The following POLA2 variants were observed in gnomAD, a reference collection of about 807,000 sequenced individuals.
POLA2 encodes DNA polymerase alpha subunit B.
POLA2 carries 47 observed loss-of-function variants against 82.8 expected under a neutral mutation model. That is an observed-to-expected ratio of 0.57 (90% confidence interval 0.45 to 0.72). The LOEUF (loss-of-function observed/expected upper bound fraction) is 0.72. Ranked by LOEUF, POLA2 falls within the 30% of genes least tolerant of loss-of-function variation. The pLI is 0.00. For missense variants in POLA2, 634 were observed against 728.1 expected, an observed-to-expected ratio of 0.87 and a Z score of 1.49; for synonymous variants, 287 against 286.8, an observed-to-expected ratio of 1.00 and a Z score of -0.01.
At chr11:65,302,091 A>G (rs138327023), downstream of POLA2, among the ~76,000 whole-genome samples, 28 of 152,244 alleles carry the variant, frequency 1.8e-4, no homozygotes, top group East Asian at 5.2e-3. Flanking sequence ...TCTCAGGGAC[A>G]GCTGCTGCCC....
At chr11:65,283,042 G>C (rs933717026) in intron 10 of POLA2, among the ~76,000 whole-genome samples, 2 of 152,116 alleles carry the variant, frequency 1.3e-5, no homozygotes, top group South Asian at 2.1e-4. Flanking sequence ...GAGACAGGAG[G>C]ATTGCCTAAG....
chr11:65,297,819 T>G lies in POLA2; in HGVS notation c.*550T>G, dbSNP rs1018292115. On this transcript the variant is annotated 3_prime_UTR_variant, in exon 18 of 18. Transcript: ENST00000265465. The stretch of plus-strand genomic sequence containing the variant: ...GCACCCACCACCACGCCTGGCTAAT[T>G]TTTTGTATTTTTAGTGGAGATGGGG... 2.0e-5 allele frequency: 3 copies of G among 152,180 alleles called. No individual in the cohort carries two copies. Among genetic ancestry groups the G allele is most frequent in the Admixed American group, 6.6e-5 (1 of 15,260 alleles). 9.4% of individuals were successfully genotyped at this position (152,180 alleles called of 1,614,324 possible). A position where few individuals can be genotyped will look rare whatever the true frequency, so the allele number is the denominator to read the frequency against.
At chr11:65,305,455 G>A (rs1216509191) in exon 9 of POLA2, 1 of 452,342 alleles carries the variant, frequency 2.2e-6, no homozygotes, top group East Asian at 7.0e-5. Flanking sequence ...CCTGTTGACT[G>A]TGTGGGGGCC....
At chr11:65,291,772 G>A (rs926690806) in intron 13 of POLA2, among the ~76,000 whole-genome samples, 2 of 152,210 alleles carry the variant, frequency 1.3e-5, no homozygotes, top group African/African-American at 4.8e-5. Context: ...TCACACTGGG[G>A]ATGAGAGCCC....
At chr11:65,277,897 G>C (rs888319563) in intron 5 of POLA2, among the ~76,000 whole-genome samples, 7 of 152,224 alleles carry the variant, frequency 4.6e-5, no homozygotes, top group Non-Finnish European at 1.0e-4. Context: ...ACTGGAGATT[G>C]AGATAATTAA....
At chr11:65,274,319 A>C (rs1026462130) in intron 4 of POLA2, among the ~76,000 whole-genome samples, 1 of 151,592 alleles carries the variant, frequency 6.6e-6, no homozygotes, top group African/African-American at 2.4e-5. Context: ...GTGAGCCGAG[A>C]TCGCACATCG....
At chr11:65,280,736 C>G in intron 7 of POLA2, 1 of 469,318 alleles carries the variant, frequency 2.1e-6, no homozygotes, top group South Asian at 2.4e-5. Flanking sequence ...TTCCCCTACA[C>G]TAGAGATGCT....
intron 16 of POLA2, 105 bp from the exon 17 acceptor site, chr11:65,295,759 G>C (rs373818757): frequency 5.6e-6 from 8 of 1,431,786 alleles, no homozygotes; most frequent in African/African-American, 4.2e-5. Flanking sequence ...AGAAAAAGTC[G>C]GTCTGTGGAT....
chr11:65,290,581 C>A (rs1949744547), intron 13 of POLA2, among the ~76,000 whole-genome samples: 1 of 152,168 alleles, frequency 6.6e-6, no homozygotes, highest in African/African-American at 2.4e-5. Flanking sequence ...TCCTTTTGAA[C>A]TACCGAGATC....
chr11:65,279,417 A>G, intron 6 of POLA2, 121 bp from the exon 7 acceptor site: 1 of 681,778 alleles, frequency 1.5e-6, no homozygotes. Context: ...CCAGATGTCC[A>G]GGCACCCTTC....
chr11:65,268,624 G>T, intron 3 of POLA2, 48 bp from the exon 4 acceptor site: 1 of 1,239,560 alleles, frequency 8.1e-7, no homozygotes, highest in South Asian at 1.2e-5. Flanking sequence ...TTACAGGCAT[G>T]AGCTACCGTG....
intron 11 of POLA2, 67 bp from the exon 12 acceptor site, chr11:65,288,983 T>A: frequency 7.0e-7 from 1 of 1,437,942 alleles, no homozygotes; most frequent in African/African-American, 1.4e-5. Context: ...AGGAGGTATC[T>A]GAAGTCATTC....
In POLA2 at chr11:65,281,200, T is replaced by A. The variant is rs1016063495; in HGVS notation, c.900+53T>A. 3 of 1,577,530 alleles carry A rather than the reference T, an allele frequency of 1.9e-6. No individual in the cohort carries two copies. The African/African-American group carries it at 4.0e-5, about 21-fold the overall frequency. ...GCAGGCGCACTCTTTACCCCTGTAG[T>A]GTAGGTGCTGTGCCATGCGCAGCTG... On this transcript the variant is annotated intron_variant, in intron 8 of 17. Transcript: ENST00000265465.
At chr11:65,300,512 A>T (rs946627497), downstream of POLA2, among the ~76,000 whole-genome samples, 1 of 152,096 alleles carries the variant, frequency 6.6e-6, no homozygotes, top group African/African-American at 2.4e-5. Flanking sequence ...TCGGCCTCCC[A>T]AAGTGTTGGG....
In POLA2 at chr11:65,295,564, C is replaced by G; in HGVS notation, c.1485C>G (p.Phe495Leu). ...GTTCTTCCGGAACTTCAGACAGATT[C>G]AGCCGAATACTCAAGCACATCTTGA... Reference protein sequence around the residue: ...ISSSSGTSDRFSRILKHILTQ... With the variant: ...ISSSSGTSDRLSRILKHILTQ... Residue 495 changes from phenylalanine (F) to leucine (L), a missense_variant, in exon 16 of 18, where the codon TTC becomes TTG. Physicochemically the swap from Phe to Leu is conservative, Grantham distance 22. Transcript: ENST00000265465. 1 of 1,613,984 alleles carries G rather than the reference C, an allele frequency of 6.2e-7. No homozygotes were observed. The highest frequency in any genetic ancestry group is 8.5e-7 in the Non-Finnish European group (1 of 1,179,916).
chr11:65,289,517 A>G (rs1163158322), intron 12 of POLA2, among the ~76,000 whole-genome samples: 1 of 152,226 alleles, frequency 6.6e-6, no homozygotes, highest in Non-Finnish European at 1.5e-5. Context: ...GGGACCTCCA[A>G]TCCTTCGTCT....
chr11:65,281,033 C>A lies in POLA2; in HGVS notation c.786C>A (p.Asn262Lys). 1 of 1,614,000 alleles carries A rather than the reference C, an allele frequency of 6.2e-7. No individual in the cohort carries two copies. Among genetic ancestry groups the A allele is most frequent in the Non-Finnish European group, 8.5e-7 (1 of 1,179,996 alleles). ...TGGGCCAGATTGGCTGTGATAGCAA[C>A]GGGAAGCTGAACAACAAGTCAGTGA... ...TLLGQIGCDS[N>K]GKLNNKSVIL... The change falls in exon 8 of 18, where the codon AAC becomes AAA. Residue 262 changes from asparagine to lysine, a missense_variant. Physicochemically the swap from Asn to Lys is moderately conservative, Grantham distance 94 (BLOSUM62 0). Transcript: ENST00000265465.
In POLA2 at chr11:65,295,547, G is replaced by A. The variant is rs759222059; in HGVS notation, c.1468G>A (p.Gly490Arg). The A allele has an allele frequency of 1.7e-5, 28 of 1,613,626 alleles. No homozygotes were observed. The highest frequency in any genetic ancestry group is 4.4e-5 in the South Asian group (4 of 91,088). The change falls in exon 16 of 18, where the codon GGA (glycine) becomes AGA (arginine). Residue 490 changes from glycine (G) to arginine (R), a missense_variant. Coordinates refer to ENST00000265465, the MANE Select transcript of POLA2 (RefSeq NM_002689.4). Reference sequence around the variant, plus strand: ...CTTTCTTTTCTTTCCCAGTTCTTCCGGAACTTCAGACAGATTCAGCCGAAT... The same window carrying A: ...CTTTCTTTTCTTTCCCAGTTCTTCCAGAACTTCAGACAGATTCAGCCGAAT... ...LGAEEISSSS[G>R]TSDRFSRILK...
intron 5 of POLA2, among the ~76,000 whole-genome samples, chr11:65,277,615 C>T (rs1015511174): frequency 6.6e-6 from 1 of 152,186 alleles, no homozygotes; most frequent in Non-Finnish European, 1.5e-5. Flanking sequence ...TTCTTATAGA[C>T]GTGCCAGCAC....
Sources: allele counts gnomAD v4.1 joint callset (sites outside exome capture counted in the v4.1 genomes callset), GRCh38; gene constraint gnomAD v4.1.1; transcripts MANE v1.5; gene names NCBI Gene and HGNC (gene_info 2026-07-23, HGNC 2026-07-21).